ZYG11A: variants seen among roughly 807,000 people sequenced by gnomAD.
ZYG11A encodes protein zyg-11 homolog A.
In ZYG11A, 62 loss-of-function variants were observed where a neutral mutation model predicts 77.2. The observed-to-expected ratio is 0.80, with a 90% CI of 0.65 to 0.99. ZYG11A has a LOEUF of 0.99. Ranked by LOEUF, ZYG11A falls within the 50% of genes least tolerant of loss-of-function variation. The pLI, the probability that ZYG11A is intolerant of heterozygous loss-of-function variation, is 0.00. For missense variants in ZYG11A, 828 were observed against 896.8 expected (o/e 0.92, Z 0.98); for synonymous variants, 315 against 324.6 (o/e 0.97, Z 0.32).
intron 13 of ZYG11A, among the ~76,000 whole-genome samples, chr1:52,887,719 T>G (rs1646475807): frequency 6.6e-6 from 1 of 151,828 alleles, no homozygotes; most frequent in South Asian, 2.1e-4. Context: ...CCACCCATGT[T>G]TTTTACATTA....
At chr1:52,851,680 G>C (rs1053177971) in intron 1 of ZYG11A, among the ~76,000 whole-genome samples, 1 of 151,978 alleles carries the variant, frequency 6.6e-6, no homozygotes, top group Non-Finnish European at 1.5e-5. Flanking sequence ...AATTATAGGC[G>C]TGAGCCACCA....
chr1:52,867,718 T>C lies in ZYG11A; in HGVS notation c.1492-9T>C. On this transcript the variant is annotated splice_polypyrimidine_tract_variant and intron_variant, in intron 7 of 13. Coordinates refer to ENST00000371528, the MANE Select transcript of ZYG11A (RefSeq NM_001004339.3). ...CATAGTTCACTTGAGCCTTTCTGTT[T>C]GCTTATAGCTCTCACCTGAGCAAAC... The C allele has an allele frequency of 6.4e-7, 1 of 1,551,600 alleles. No homozygotes were observed. The highest frequency in any genetic ancestry group is 8.7e-7 in the Non-Finnish European group (1 of 1,146,952).
intron 6 of ZYG11A, among the ~76,000 whole-genome samples, chr1:52,867,227 T>C (rs190390069): frequency 4.6e-5 from 7 of 152,342 alleles, no homozygotes; most frequent in Non-Finnish European, 1.0e-4. Flanking sequence ...GATTACAAAT[T>C]GCTACCACTC....
chr1:52,892,795 CA>C lies in ZYG11A; in HGVS notation c.2122del (p.Met708CysfsTer2), dbSNP rs1646568512. 2 of 1,551,380 alleles carry C rather than the reference CA, an allele frequency of 1.3e-6. No individual in the cohort carries two copies. ...VCSKNPSKYC[K>X]MLVEEEGLQL... Reference sequence around the variant, plus strand: ...ATTTTCTTTCAGCCAGCAAATACTGCAAAATGTTAGTTGAAGAAGAAGGATT... The same window carrying C: ...ATTTTCTTTCAGCCAGCAAATACTGCAAATGTTAGTTGAAGAAGAAGGATT... On this transcript the variant is annotated frameshift_variant, in exon 14 of 14. Coordinates refer to ENST00000371528, the MANE Select transcript of ZYG11A (RefSeq NM_001004339.3). LOFTEE classifies it low-confidence loss of function (END_TRUNC).
chr1:52,879,108 A>C (rs1425150340), intron 10 of ZYG11A, among the ~76,000 whole-genome samples: 3 of 152,148 alleles, frequency 2.0e-5, no homozygotes, highest in Non-Finnish European at 4.4e-5. Context: ...ACTGACTCTC[A>C]ATCAAGGTAT....
At chr1:52,868,494 TCA>T (rs1036565617) in intron 8 of ZYG11A, among the ~76,000 whole-genome samples, 2 of 152,130 alleles carry the variant, frequency 1.3e-5, no homozygotes, top group African/African-American at 4.8e-5. Context: ...AAAATTTATA[TCA>T]CTGGGCCGGG....
At chr1:52,870,853 AAG>A (rs1240772011) in intron 8 of ZYG11A, among the ~76,000 whole-genome samples, 2 of 151,464 alleles carry the variant, frequency 1.3e-5, no homozygotes, top group African/African-American at 4.9e-5. Flanking sequence ...AGACAGTAGA[AAG>A]AGAGGGAGAG....
intron 8 of ZYG11A, among the ~76,000 whole-genome samples, chr1:52,875,601 G>A (rs1369940283): frequency 6.6e-6 from 1 of 151,738 alleles, no homozygotes. Flanking sequence ...TTGTTAGGAA[G>A]AGTGGGTGTA....
intron 13 of ZYG11A, among the ~76,000 whole-genome samples, chr1:52,887,533 CAG>C (rs1482398542): frequency 6.6e-6 from 1 of 151,936 alleles, no homozygotes; most frequent in Non-Finnish European, 1.5e-5. Context: ...GGCCAGGAGT[CAG>C]GGGTTATTTC....
rs562944333 is a variant in ZYG11A at position 52,881,708 on chromosome 1, C to G, written c.1944+43C>G. 80 of 1,396,408 alleles carry G rather than the reference C, an allele frequency of 5.7e-5. 2 individuals carry two copies. Among genetic ancestry groups the G allele is most frequent in the African/African-American group, 1.6e-4 (11 of 68,838 alleles). 86.5% of individuals were successfully genotyped at this position (1,396,408 alleles called of 1,614,324 possible). ...TTATTTATAAAATCCAGAGTAATCT[C>G]TAATTACAGAAAATGTAGTTTCCTA... On this transcript the variant is annotated intron_variant, in intron 11 of 13. Coordinates refer to ENST00000371528, the MANE Select transcript of ZYG11A (RefSeq NM_001004339.3).
chr1:52,885,397 G>T (rs774551652), intron 11 of ZYG11A, among the ~76,000 whole-genome samples: 51 of 151,222 alleles, frequency 3.4e-4, no homozygotes, highest in Non-Finnish European at 5.9e-4. Context: ...GTAGAAACGG[G>T]GTTTCACCGT....
rs1179193591 is a variant in ZYG11A at position 52,860,873 on chromosome 1, T to G, written c.1149+2T>G. 9 of 1,549,512 alleles carry G rather than the reference T, an allele frequency of 5.8e-6. No homozygotes were observed. Among genetic ancestry groups the G allele is most frequent in the Non-Finnish European group, 7.0e-6 (8 of 1,146,496 alleles). On this transcript the variant is annotated splice_donor_variant, in intron 4 of 13. Transcript: ENST00000371528. LOFTEE classifies it high-confidence loss of function. ...GTAACCATGCCTGCTATTTTAAAGG[T>G]AATTGAAGGAAGACAATTTTTACTA...
chr1:52,889,421 A>T (rs895882087), intron 13 of ZYG11A, among the ~76,000 whole-genome samples: 1 of 150,590 alleles, frequency 6.6e-6, no homozygotes, highest in African/African-American at 2.5e-5. Flanking sequence ...AAAGTATTTA[A>T]TTTTTTTTCT....
chr1:52,876,259 AG>A (rs1646259677), intron 8 of ZYG11A, among the ~76,000 whole-genome samples: 2 of 152,320 alleles, frequency 1.3e-5, no homozygotes, highest in South Asian at 4.1e-4. Context: ...AGACCAGGTG[AG>A]CTCAGTCTTC....
intron 6 of ZYG11A, 21 bp downstream of exon 6, chr1:52,866,588 T>C: frequency 6.8e-7 from 1 of 1,473,684 alleles, no homozygotes; most frequent in Non-Finnish European, 9.3e-7. Flanking sequence ...GACTTGGTCA[T>C]TTGACTGGGG....
Position 52,854,491 on chromosome 1 carries a change from C to T in ZYG11A, c.117C>T (p.Val39=). The change falls in exon 2 of 14, where the codon GTC becomes GTT. Residue 39 remains valine, a synonymous_variant. Coordinates refer to ENST00000371528, the MANE Select transcript of ZYG11A (RefSeq NM_001004339.3). ...AAGAGGCATCTCCCTACACTTTGGT[C>T]AACATCTGCCTGAATGTCCTGATTG... ...VQEEASPYTL[V]NICLNVLIAN... is the part of the protein sequence containing the mutation. 6.5e-7 allele frequency: 1 copy of T among 1,548,966 alleles called. No individual in the cohort carries two copies. Among genetic ancestry groups the T allele is most frequent in the East Asian group, 2.4e-5 (1 of 40,840 alleles).
At chr1:52,851,349 C>G (rs1645706844) in intron 1 of ZYG11A, among the ~76,000 whole-genome samples, 1 of 151,900 alleles carries the variant, frequency 6.6e-6, no homozygotes, top group Non-Finnish European at 1.5e-5. Context: ...AACCAGGAGA[C>G]TTTTCATATA....
At position 52,842,895 on chromosome 1, in the gene ZYG11A, C is replaced by A. The variant is rs1162845533; in HGVS notation, c.12C>A (p.Phe4Leu). The change falls in exon 1 of 14, where the codon TTC (phenylalanine) becomes TTA (leucine). Residue 4 changes from phenylalanine to leucine, a missense_variant. Phe to Leu is a conservative substitution (Grantham distance 22). Transcript: ENST00000371528. Reference protein sequence around the residue: MVHFLHPGHTPRNI... With the variant: MVHLLHPGHTPRNI... The stretch of plus-strand genomic sequence containing the variant: ...CCGCCGGGGTTGCCATGGTTCATTT[C>A]TTGCACCCGGGCCACACGCCCCGGA... 3.9e-6 allele frequency: 6 copies of A among 1,532,198 alleles called. No homozygotes were observed. Among genetic ancestry groups the A allele is most frequent in the Non-Finnish European group, 5.3e-6 (6 of 1,138,992 alleles). 94.9% of individuals were successfully genotyped at this position (1,532,198 alleles called of 1,614,324 possible).
rs900856900 is a variant in ZYG11A at position 52,842,847 on chromosome 1, C to G, written c.-37C>G. 23 of 1,522,372 alleles carry G rather than the reference C, an allele frequency of 1.5e-5. No homozygotes were observed. The highest frequency in any genetic ancestry group is 1.5e-5 in the Non-Finnish European group (17 of 1,133,342). 94.3% of individuals were successfully genotyped at this position (1,522,372 alleles called of 1,614,324 possible). A position where few individuals can be genotyped will look rare whatever the true frequency, so the allele number is the denominator to read the frequency against. On this transcript the variant is annotated 5_prime_UTR_variant, in exon 1 of 14. Coordinates refer to ENST00000371528, the MANE Select transcript of ZYG11A (RefSeq NM_001004339.3). ...GCGGGATCCGGGCTCCGGCTCGACG[C>G]CGGCTCTCTTTTTGACGCCCCGCCG...
Sources: gnomAD v4.1 joint callset for allele counts (sites outside exome capture counted in the v4.1 genomes callset) on GRCh38, gnomAD v4.1.1 for gene constraint, MANE v1.5 for transcripts, NCBI Gene and HGNC (gene_info 2026-07-23, HGNC 2026-07-21) for gene names.